Variants in SIPA1L2 observed in about 807,000 individuals in gnomAD.
The protein encoded by SIPA1L2 is signal induced proliferation associated 1 like 2.
A neutral mutation model predicts 163.9 loss-of-function variants in SIPA1L2; 56 were observed. That is an observed-to-expected ratio of 0.34 (90% CI 0.28 to 0.43). The LOEUF (loss-of-function observed/expected upper bound fraction) is 0.43. Among genes scored for constraint, SIPA1L2 ranks in the 20% least tolerant of loss-of-function variants. SIPA1L2 has a pLI of 1.00. For synonymous variants in SIPA1L2, 877 were observed against 865.7 expected (o/e 1.01, Z -0.23); for missense variants, 1,974 against 2,193.5 (o/e 0.90, Z 2.00).
chr1:232,590,610 T>A lies in SIPA1L2; in HGVS notation c.-318-16388A>T, dbSNP rs141996905. On this transcript the variant is annotated intron_variant, in intron 1 of 22. Transcript: ENST00000674635. ...CCTACCTACTTCCTGAACGGGAACATGGCTTAGAGAAGCACATGGCATTGG... is the reference window on the plus strand; with the variant it reads ...CCTACCTACTTCCTGAACGGGAACAAGGCTTAGAGAAGCACATGGCATTGG... Among the ~76,000 whole-genome samples, 292 of 152,256 alleles carry A rather than the reference T, an allele frequency of 1.9e-3. 1 individual carries two copies. The highest frequency in any genetic ancestry group is 0.018 in the Admixed American group (278 of 15,300).
intron 3 of SIPA1L2, among the ~76,000 whole-genome samples, chr1:232,499,117 C>T (rs1283400492): frequency 6.6e-6 from 1 of 152,154 alleles, no homozygotes; most frequent in Non-Finnish European, 1.5e-5. Context: ...TCCCTGGAGA[C>T]ACAGTAACAT....
rs538781773 is a variant in SIPA1L2, at chr1:232,506,213, AAT to A, written c.1483+7642_1483+7643del. ...TAAAGCCTGTAGCAGTGGTGTGAACAATAGTTTCTTTTTAGAGGGAAAAGTCT... is the reference window on the plus strand; with the variant it reads ...TAAAGCCTGTAGCAGTGGTGTGAACAAGTTTCTTTTTAGAGGGAAAAGTCT... On this transcript the variant is annotated intron_variant, in intron 3 of 22. Transcript: ENST00000674635. 1.3e-3 allele frequency among the ~76,000 whole-genome samples: 192 copies of A among 152,338 alleles called. 1 individual carries two copies. The highest frequency in any genetic ancestry group is 4.1e-3 in the African/African-American group (170 of 41,576).
chr1:232,535,117 G>GT (rs1239304602), intron 2 of SIPA1L2, among the ~76,000 whole-genome samples: 3 of 152,176 alleles, frequency 2.0e-5, no homozygotes, highest in Non-Finnish European at 4.4e-5. Context: ...TCTAAGCTGT[G>GT]TAAGTTCTGA....
intron 14 of SIPA1L2, among the ~76,000 whole-genome samples, chr1:232,440,592 G>C (rs1471402819): frequency 6.6e-6 from 1 of 152,204 alleles, no homozygotes; most frequent in African/African-American, 2.4e-5. Flanking sequence ...CTGCAAAGCT[G>C]GCTGATGACA....
intron 17 of SIPA1L2, among the ~76,000 whole-genome samples, chr1:232,427,720 A>G (rs934611226): frequency 6.6e-6 from 1 of 152,238 alleles, no homozygotes; most frequent in African/African-American, 2.4e-5. Flanking sequence ...AACATTATCG[A>G]GTACTACATT....
chr1:232,470,274 T>C (rs1406144196), intron 8 of SIPA1L2, among the ~76,000 whole-genome samples: 2 of 152,186 alleles, frequency 1.3e-5, no homozygotes, highest in East Asian at 1.9e-4. Flanking sequence ...TGCGTAAGAA[T>C]GACTATGGAG....
intron 2 of SIPA1L2, among the ~76,000 whole-genome samples, chr1:232,525,312 G>A (rs912042477): frequency 2.2e-4 from 30 of 139,122 alleles, no homozygotes; most frequent in Non-Finnish European, 3.8e-4. Flanking sequence ...CTTGGCTCAT[G>A]GCAACCTCCA....
chr1:232,596,790 C>T (rs541694188), intron 1 of SIPA1L2, among the ~76,000 whole-genome samples: 7 of 152,192 alleles, frequency 4.6e-5, no homozygotes, highest in Non-Finnish European at 8.8e-5. Flanking sequence ...TTCCCCGCTT[C>T]GCCTGTGAGG....
intron 3 of SIPA1L2, among the ~76,000 whole-genome samples, chr1:232,500,347 C>T (rs867558101): frequency 5.9e-5 from 9 of 152,152 alleles, no homozygotes; most frequent in Non-Finnish European, 1.2e-4. Flanking sequence ...AGGCTATAGC[C>T]GCCATACATA....
intron 18 of SIPA1L2, among the ~76,000 whole-genome samples, chr1:232,416,407 C>T (rs1238453926): frequency 6.6e-6 from 1 of 152,224 alleles, no homozygotes; most frequent in Non-Finnish European, 1.5e-5. Context: ...TAGAATCAAG[C>T]CTCTGTACAC....
intron 2 of SIPA1L2, among the ~76,000 whole-genome samples, chr1:232,542,306 A>C (rs1657734860): frequency 6.6e-6 from 1 of 152,188 alleles, no homozygotes; most frequent in Non-Finnish European, 1.5e-5. Flanking sequence ...AATCGCCTGC[A>C]TCTATGCCAT....
rs1287433657 is a variant in SIPA1L2, at chr1:232,538,690, CT to C, written c.-269-23083del. On this transcript the variant is annotated intron_variant, in intron 2 of 22. Coordinates refer to ENST00000674635, the MANE Select transcript of SIPA1L2 (RefSeq NM_020808.5). ...CAGGCTTAGTGTTTTGTGACCCCCCCTCCCCCACTATACACACATGTGCTTG... is the reference window on the plus strand; with the variant it reads ...CAGGCTTAGTGTTTTGTGACCCCCCCCCCCCACTATACACACATGTGCTTG... Among the ~76,000 whole-genome samples, 8 of 149,592 alleles carry C rather than the reference CT, an allele frequency of 5.3e-5. No homozygotes were observed. In the South Asian group the frequency reaches 6.5e-4, roughly 12 times the overall value.
chr1:232,629,976 C>T lies in SIPA1L2; in HGVS notation c.-426G>A, dbSNP rs910513636. On this transcript the variant is annotated 5_prime_UTR_variant, in exon 1 of 23. Coordinates refer to ENST00000674635, the MANE Select transcript of SIPA1L2 (RefSeq NM_020808.5). ...CGCTGCCCGGGGCTGCCCATCGGCC[C>T]GGACTCTCCCCGCGCCGGGCTCCGG... Among the ~76,000 whole-genome samples, 2 of 150,634 alleles carry T rather than the reference C, an allele frequency of 1.3e-5. No individual in the cohort carries two copies. The highest frequency in any genetic ancestry group is 3.0e-5 in the Non-Finnish European group (2 of 67,538).
intron 2 of SIPA1L2, among the ~76,000 whole-genome samples, chr1:232,548,890 G>C (rs959883951): frequency 6.6e-6 from 1 of 152,236 alleles, no homozygotes; most frequent in African/African-American, 2.4e-5. Flanking sequence ...AGGGAGGAAA[G>C]CAAGTGGCAG....
In SIPA1L2 at chr1:232,618,383, C is replaced by T. The variant is rs527752499; in HGVS notation, c.-319+11486G>A. ...AGTTTAAAACTCTTGTGGCTGGGCG[C>T]GGTGGCTCACACCTGTAATCCCAGC... On this transcript the variant is annotated intron_variant, in intron 1 of 22. Coordinates refer to ENST00000674635, the MANE Select transcript of SIPA1L2 (RefSeq NM_020808.5). 3.3e-5 allele frequency among the ~76,000 whole-genome samples: 5 copies of T among 152,144 alleles called. No homozygotes were observed. The South Asian group carries it at 6.2e-4, about 19-fold the overall frequency.
chr1:232,602,683 C>T (rs1309727726), intron 1 of SIPA1L2, among the ~76,000 whole-genome samples: 1 of 152,104 alleles, frequency 6.6e-6, no homozygotes, highest in Non-Finnish European at 1.5e-5. Flanking sequence ...ACTGTTTCCA[C>T]GCAGAAAATG....
At chr1:232,590,317 T>A (rs185457693) in intron 1 of SIPA1L2, among the ~76,000 whole-genome samples, 3 of 152,352 alleles carry the variant, frequency 2.0e-5, no homozygotes, top group East Asian at 3.9e-4. Flanking sequence ...AAGGTGTGTG[T>A]CACCAATTGC....
intron 10 of SIPA1L2, among the ~76,000 whole-genome samples, chr1:232,449,695 A>T (rs1477438268): frequency 1.3e-5 from 2 of 151,734 alleles, no homozygotes; most frequent in Non-Finnish European, 2.9e-5. Context: ...AAAGGTCCAG[A>T]GAGTACCGAG....
chr1:232,507,653 T>C (rs1666789108), intron 3 of SIPA1L2, among the ~76,000 whole-genome samples: 1 of 152,242 alleles, frequency 6.6e-6, no homozygotes, highest in South Asian at 2.1e-4. Flanking sequence ...CAGGAAATTA[T>C]GCATCTTCCC....
Sources: allele counts gnomAD v4.1 joint callset (sites outside exome capture counted in the v4.1 genomes callset), GRCh38; gene constraint gnomAD v4.1.1; transcripts MANE v1.5; gene names NCBI Gene and HGNC (gene_info 2026-07-23, HGNC 2026-07-21).